The following ING3 variants were observed in gnomAD, a reference collection of about 807,000 sequenced individuals.
ING3 encodes the protein inhibitor of growth family member 3.
Under a neutral mutation model 64.8 loss-of-function variants are expected in ING3, and 6 were observed. That is an observed-to-expected ratio of 0.09 (90% CI 0.05 to 0.18). The LOEUF is 0.18. ING3 is among the 10% of genes least tolerant of loss of function. The pLI is 1.00. For missense variants in ING3, 310 were observed against 489.7 expected (o/e 0.63, Z 3.46); for synonymous variants, 170 against 173.7 (o/e 0.98, Z 0.17).
intron 9 of ING3, among the ~76,000 whole-genome samples, chr7:120,969,779 A>C (rs949409604): frequency 2.6e-5 from 4 of 152,244 alleles, no homozygotes; most frequent in Non-Finnish European, 5.9e-5. Flanking sequence ...GTGTTTATAC[A>C]TAATGAAAGT....
chr7:120,953,558 A>T (rs1261993818), intron 3 of ING3, among the ~76,000 whole-genome samples, 154 bp downstream of exon 3: 1 of 152,206 alleles, frequency 6.6e-6, no homozygotes, highest in Non-Finnish European at 1.5e-5. Context: ...AGAGCTTCAG[A>T]TAGGGATTTT....
chr7:120,969,586 A>G (rs1201297051), intron 9 of ING3, among the ~76,000 whole-genome samples: 1 of 151,926 alleles, frequency 6.6e-6, no homozygotes, highest in African/African-American at 2.4e-5. Context: ...TTTTTAAACA[A>G]GATTTTTCAT....
At chr7:120,952,559 T>A (rs1363433185) in intron 2 of ING3, among the ~76,000 whole-genome samples, 1 of 152,194 alleles carries the variant, frequency 6.6e-6, no homozygotes, top group East Asian at 1.9e-4. Flanking sequence ...AGTTAATAGG[T>A]ATTATGGATT....
chr7:120,951,422 CT>C (rs1209016151), intron 2 of ING3, among the ~76,000 whole-genome samples, 187 bp downstream of exon 2: 4 of 152,176 alleles, frequency 2.6e-5, no homozygotes, highest in Admixed American at 2.0e-4. Flanking sequence ...CTACTTTTTT[CT>C]GGCTTTTGCA....
intron 2 of ING3, 70 bp from the exon 3 acceptor site, chr7:120,953,234 T>C: frequency 2.2e-6 from 2 of 897,210 alleles, no homozygotes; most frequent in South Asian, 3.4e-5. Context: ...TTTCCCTCCC[T>C]AAATCAAACC....
At chr7:120,965,396 GTC>G (rs1795984741) in intron 5 of ING3, among the ~76,000 whole-genome samples, 1 of 152,000 alleles carries the variant, frequency 6.6e-6, no homozygotes, top group Non-Finnish European at 1.5e-5. Context: ...ACTTACCCCT[GTC>G]ACTTCTTTGG....
In ING3 at chr7:120,968,016, T is replaced by C. The variant is rs1252398600; in HGVS notation, c.639T>C (p.Ile213=). 4 of 1,614,012 alleles carry C rather than the reference T, an allele frequency of 2.5e-6. No homozygotes were observed. The highest frequency in any genetic ancestry group is 1.3e-5 in the African/African-American group (1 of 74,918). Residue 213 remains isoleucine, a synonymous_variant, in exon 8 of 12, where the codon ATT becomes ATC. Coordinates refer to ENST00000315870, the MANE Select transcript of ING3 (RefSeq NM_019071.3). Reference sequence around the variant, plus strand: ...CCCAACCTCTGGGATCCTATAACATTGGCTCGTTATCTTCAGGAACTGGTG... The same window carrying C: ...CCCAACCTCTGGGATCCTATAACATCGGCTCGTTATCTTCAGGAACTGGTG... ...NSSQPLGSYN[I]GSLSSGTGAG... is the part of the protein sequence containing the mutation.
chr7:120,956,333 T>C (rs958505521), intron 4 of ING3: 1 of 1,395,692 alleles, frequency 7.2e-7, no homozygotes, highest in East Asian at 2.7e-5. Context: ...AGAAAACACA[T>C]GCTCACTTTT....
intron 5 of ING3, 118 bp downstream of exon 5, chr7:120,964,956 G>A: frequency 1.4e-6 from 1 of 736,430 alleles, no homozygotes; most frequent in South Asian, 1.7e-5. Flanking sequence ...TGGCATCCAG[G>A]CCAGATAGCT....
chr7:120,976,200 A>C lies in ING3; in HGVS notation c.*1356A>C, dbSNP rs959396048. ...TAATATTGAGTCTGGTCGATAGAAA[A>C]ATCCTTAACTTTTAAGATACTTAAT... On this transcript the variant is annotated 3_prime_UTR_variant, in exon 12 of 12. Transcript: ENST00000315870. The C allele has an allele frequency of 2.0e-5, 3 of 152,128 alleles. No homozygotes were observed. The highest frequency in any genetic ancestry group is 7.2e-5 in the African/African-American group (3 of 41,438). 9.4% of individuals were successfully genotyped at this position (152,128 alleles called of 1,614,324 possible). A position where few individuals can be genotyped will look rare whatever the true frequency, so the allele number is the denominator to read the frequency against.
In ING3 at chr7:120,968,063, C is replaced by T. The variant is rs1796019427; in HGVS notation, c.686C>T (p.Ala229Val). The part of the protein sequence containing the change: ...GTGAGAITMA[A>V]AQAVQATAQM... ...GGTGCAGGGGCAATTACCATGGCAGCTGCTCAAGCAGTTCAGGCTACAGCT... is the reference window on the plus strand; with the variant it reads ...GGTGCAGGGGCAATTACCATGGCAGTTGCTCAAGCAGTTCAGGCTACAGCT... The change falls in exon 8 of 12, where the codon GCT becomes GTT. Residue 229 changes from alanine (A) to valine (V), a missense_variant. Transcript: ENST00000315870. The T allele has an allele frequency of 5.0e-6, 8 of 1,614,090 alleles. No homozygotes were observed. Among genetic ancestry groups the T allele is most frequent in the African/African-American group, 1.3e-5 (1 of 75,018 alleles).
intron 5 of ING3, among the ~76,000 whole-genome samples, 198 bp downstream of exon 5, chr7:120,965,036 A>G (rs1795979761): frequency 6.6e-6 from 1 of 152,126 alleles, no homozygotes; most frequent in Non-Finnish European, 1.5e-5. Flanking sequence ...TCATCCACTC[A>G]CTCTTTATGA....
At chr7:120,965,151 T>G (rs1032037330) in intron 5 of ING3, among the ~76,000 whole-genome samples, 1 of 152,202 alleles carries the variant, frequency 6.6e-6, no homozygotes, top group South Asian at 2.1e-4. Flanking sequence ...CCATCTTGCA[T>G]TAAGTGTGTT....
rs77000226 is a variant in ING3, at chr7:120,966,903, G to A, written c.436+206G>A. On this transcript the variant is annotated intron_variant, in intron 6 of 11. Transcript: ENST00000315870. Reference sequence around the variant, plus strand: ...GAGTATTCTGTTTTCTCTTAAATGCGTAGAAGGAGAATGTATAGTACTAAT... The same window carrying A: ...GAGTATTCTGTTTTCTCTTAAATGCATAGAAGGAGAATGTATAGTACTAAT... Among the ~76,000 whole-genome samples, 549 of 152,044 alleles carry A rather than the reference G, an allele frequency of 3.6e-3. 14 individuals are homozygous for A. The East Asian group carries it at 0.078, about 21-fold the overall frequency.
In ING3 at chr7:120,967,937, G is replaced by A; in HGVS notation, c.560G>A (p.Cys187Tyr). 1 of 1,613,930 alleles carries A rather than the reference G, an allele frequency of 6.2e-7. No homozygotes were observed. Among genetic ancestry groups the A allele is most frequent in the Non-Finnish European group, 8.5e-7 (1 of 1,179,900 alleles). ...SDASKENTLG[C>Y]RNNNSTASSN... ...TTTCTTTTTTACATCTACACAGGTT[G>A]TCGAAATAATAATTCCACAGCCTCT... The change falls in exon 8 of 12, where the codon TGT (cysteine) becomes TAT (tyrosine). Residue 187 changes from cysteine to tyrosine, a missense_variant. By Grantham distance (194) the Cys-to-Tyr change is radical (BLOSUM62 -2). Coordinates refer to ENST00000315870, the MANE Select transcript of ING3 (RefSeq NM_019071.3).
At position 120,977,031 on chromosome 7, in the gene ING3, G is replaced by A. The variant is rs1562979335; in HGVS notation, c.*2187G>A. 1.3e-5 allele frequency: 2 copies of A among 152,066 alleles called. No individual in the cohort carries two copies. Among genetic ancestry groups the A allele is most frequent in the Admixed American group, 1.3e-4 (2 of 15,262 alleles). The allele number at this position is 152,066 out of a possible 1,614,324, so 9.4% of individuals were successfully genotyped here. A position where few individuals can be genotyped will look rare whatever the true frequency, so the allele number is the denominator to read the frequency against. ...CCAAGGGGCATAGTAAGTATTTTTGGTATTATAAAATACACATTCAAAATC... is the reference window on the plus strand; with the variant it reads ...CCAAGGGGCATAGTAAGTATTTTTGATATTATAAAATACACATTCAAAATC... On this transcript the variant is annotated 3_prime_UTR_variant, in exon 12 of 12. Coordinates refer to ENST00000315870, the MANE Select transcript of ING3 (RefSeq NM_019071.3).
intron 2 of ING3, 131 bp downstream of exon 2, chr7:120,951,366 A>G (rs989228334): frequency 6.1e-6 from 5 of 818,172 alleles, no homozygotes; most frequent in African/African-American, 5.1e-5. Context: ...GGAGTTGTCA[A>G]AAAGAACTGG....
chr7:120,964,534 T>G (rs1001122486), intron 4 of ING3, among the ~76,000 whole-genome samples: 3 of 152,176 alleles, frequency 2.0e-5, no homozygotes, highest in African/African-American at 4.8e-5. Flanking sequence ...TCTTAGAACT[T>G]AAAATTTATT....
chr7:120,966,669 C>T lies in ING3; in HGVS notation c.408C>T (p.His136=). 1 of 1,613,638 alleles carries T rather than the reference C, an allele frequency of 6.2e-7. No individual in the cohort carries two copies. The highest frequency in any genetic ancestry group is 8.5e-7 in the Non-Finnish European group (1 of 1,179,544). The part of the protein sequence containing the change: ...LDTPSQPVNN[H]HAHSHTPVEK... ...CTCCTTCACAGCCAGTGAACAATCA[C>T]CATGCTCATTCACATACTCCAGTGG... The change falls in exon 6 of 12, where the codon CAC becomes CAT. Residue 136 remains histidine (H), a synonymous_variant. Transcript: ENST00000315870.
Sources: gnomAD v4.1 joint callset for allele counts (sites outside exome capture counted in the v4.1 genomes callset) on GRCh38, gnomAD v4.1.1 for gene constraint, MANE v1.5 for transcripts, NCBI Gene and HGNC (gene_info 2026-07-23, HGNC 2026-07-21) for gene names.